ELP4: variants seen among roughly 807,000 people sequenced by gnomAD.
The protein encoded by ELP4 is elongator acetyltransferase complex subunit 4.
ELP4 carries 51 observed loss-of-function variants against 48.9 expected under a neutral mutation model. That is an observed-to-expected ratio of 1.04 (90% CI 0.83 to 1.32). The LOEUF (loss-of-function observed/expected upper bound fraction) is 1.32. Among genes scored for constraint, ELP4 ranks in the 40% most tolerant of loss-of-function variants. The pLI is 0.00. For synonymous variants in ELP4, 210 were observed against 189.2 expected, an observed-to-expected ratio of 1.11 and a Z score of -0.90; for missense variants, 519 against 514.6, an observed-to-expected ratio of 1.01 and a Z score of -0.08.
intron 9 of ELP4, among the ~76,000 whole-genome samples, chr11:31,760,016 T>C (rs538565125): frequency 6.6e-6 from 1 of 152,326 alleles, no homozygotes; most frequent in South Asian, 2.1e-4. Flanking sequence ...TGTTTTCTGA[T>C]TACCAGCTTG....
At chr11:31,716,621 A>G (rs1741560641) in intron 9 of ELP4, among the ~76,000 whole-genome samples, 1 of 152,224 alleles carries the variant, frequency 6.6e-6, no homozygotes, top group African/African-American at 2.4e-5. Flanking sequence ...GAAATAATAC[A>G]TGTAGTTTCA....
At chr11:31,733,593 T>C (rs1947243034) in intron 9 of ELP4, among the ~76,000 whole-genome samples, 1 of 151,378 alleles carries the variant, frequency 6.6e-6, no homozygotes, top group African/African-American at 2.4e-5. Context: ...AGTCAACAAA[T>C]TGGATCATGT....
At chr11:31,753,420 A>AT (rs36055258) in intron 9 of ELP4, among the ~76,000 whole-genome samples, 6 of 152,216 alleles carry the variant, frequency 3.9e-5, no homozygotes, top group Non-Finnish European at 5.9e-5. Flanking sequence ...GACAATGCAA[A>AT]TTAAAATAAC....
At chr11:31,658,847 A>G (rs373038272) in intron 9 of ELP4, among the ~76,000 whole-genome samples, 1 of 151,998 alleles carries the variant, frequency 6.6e-6, no homozygotes, top group Non-Finnish European at 1.5e-5. Context: ...CTCCCCTGTC[A>G]TCATAACTGG....
At chr11:31,590,246 A>G (rs1244040605) in intron 3 of ELP4, among the ~76,000 whole-genome samples, 2 of 152,176 alleles carry the variant, frequency 1.3e-5, no homozygotes, top group Non-Finnish European at 2.9e-5. Context: ...CAAGTACTAT[A>G]TATATATATG....
intron 5 of ELP4, among the ~76,000 whole-genome samples, chr11:31,604,227 A>C (rs1957830829): frequency 6.6e-6 from 1 of 151,822 alleles, no homozygotes. Flanking sequence ...TTCAGCTTTA[A>C]ATGCAAATAG....
intron 5 of ELP4, among the ~76,000 whole-genome samples, chr11:31,609,140 G>A (rs893066276): frequency 6.6e-6 from 1 of 152,142 alleles, no homozygotes; most frequent in Non-Finnish European, 1.5e-5. Context: ...ACATGCCCTC[G>A]CCCAGTGGCC....
intron 1 of ELP4, chr11:31,511,753 T>C (rs1021696578): frequency 1.3e-5 from 2 of 152,192 alleles, no homozygotes; most frequent in African/African-American, 2.4e-5. Context: ...TCTCTTAAAG[T>C]ACCCACCAAA....
At chr11:31,661,672 C>T (rs1379599114) in intron 9 of ELP4, among the ~76,000 whole-genome samples, 1 of 86,934 alleles carries the variant, frequency 1.2e-5, no homozygotes, top group Non-Finnish European at 3.5e-5. Context: ...AGGGTGTGAC[C>T]ATTAAAAAAA....
chr11:31,741,096 C>T (rs920805280), intron 9 of ELP4, among the ~76,000 whole-genome samples: 14 of 152,096 alleles, frequency 9.2e-5, no homozygotes, highest in Non-Finnish European at 1.8e-4. Context: ...GATTATATCC[C>T]GTACCTGTCT....
At chr11:31,670,072 C>G (rs1031018909) in intron 9 of ELP4, among the ~76,000 whole-genome samples, 9 of 152,114 alleles carry the variant, frequency 5.9e-5, no homozygotes, top group African/African-American at 2.2e-4. Flanking sequence ...ATATGCAAAA[C>G]TCGACTTTTT....
chr11:31,536,241 C>G (rs1387066953), intron 2 of ELP4, among the ~76,000 whole-genome samples: 1 of 151,558 alleles, frequency 6.6e-6, no homozygotes, highest in Non-Finnish European at 1.5e-5. Context: ...TAAATCTATG[C>G]AGACATATAT....
At chr11:31,733,685 A>G (rs1947244659) in intron 9 of ELP4, among the ~76,000 whole-genome samples, 1 of 152,156 alleles carries the variant, frequency 6.6e-6, no homozygotes, top group African/African-American at 2.4e-5. Context: ...TAAAGCCTAA[A>G]CAAAATATAA....
At chr11:31,517,971 C>A (rs1180993572) in intron 1 of ELP4, among the ~76,000 whole-genome samples, 2 of 152,054 alleles carry the variant, frequency 1.3e-5, no homozygotes, top group Admixed American at 6.6e-5. Flanking sequence ...CTCTTTGATA[C>A]TCATTTTTTA....
chr11:31,752,661 C>T (rs1373278934), intron 9 of ELP4, among the ~76,000 whole-genome samples: 7 of 151,788 alleles, frequency 4.6e-5, no homozygotes, highest in East Asian at 1.9e-4. Context: ...GGTGAAACCC[C>T]GTCTCTACTA....
intron 9 of ELP4, among the ~76,000 whole-genome samples, chr11:31,726,688 A>G (rs924376647): frequency 1.3e-5 from 2 of 152,196 alleles, no homozygotes; most frequent in Non-Finnish European, 2.9e-5. Flanking sequence ...AATGGAAAAG[A>G]AAACACCACA....
At chr11:31,600,281 T>A (rs1453713978) in intron 4 of ELP4, 1 of 152,206 alleles carries the variant, frequency 6.6e-6, no homozygotes, top group African/African-American at 2.4e-5. Flanking sequence ...CTTATAATCA[T>A]CAACCACTAT....
chr11:31,679,249 A>G (rs1291382232), intron 9 of ELP4, among the ~76,000 whole-genome samples: 4 of 152,206 alleles, frequency 2.6e-5, no homozygotes, highest in Non-Finnish European at 5.9e-5. Flanking sequence ...ATCTATATTC[A>G]TGTACCACAT....
In ELP4 at chr11:31,784,212, A is replaced by C. The variant is rs555796254; in HGVS notation, c.*688A>C. On this transcript the variant is annotated 3_prime_UTR_variant, in exon 10 of 10. Transcript: ENST00000640961. ...CAGGCATCATTCAGGATTGAAATTC[A>C]AACTGACAGCTACATTAATGCTAGG... 4 of 152,368 alleles carry C rather than the reference A, an allele frequency of 2.6e-5. No individual in the cohort carries two copies. In the South Asian group the frequency reaches 6.2e-4, roughly 24 times the overall value. The allele number at this position is 152,368 out of a possible 1,614,324, so 9.4% of individuals were successfully genotyped here.
Sources: allele counts gnomAD v4.1 joint callset (sites outside exome capture counted in the v4.1 genomes callset), GRCh38; gene constraint gnomAD v4.1.1; transcripts MANE v1.5; gene names NCBI Gene and HGNC (gene_info 2026-07-23, HGNC 2026-07-21).